CEP63: variants seen among roughly 807,000 people sequenced by gnomAD.
CEP63 encodes centrosomal protein of 63 kDa.
A neutral mutation model predicts 89.1 loss-of-function variants in CEP63; 84 were observed. That is an observed-to-expected ratio of 0.94 (90% CI 0.79 to 1.13). The LOEUF (loss-of-function observed/expected upper bound fraction) is 1.13. Ranked by LOEUF, CEP63 falls within the 50% of genes most tolerant of loss-of-function variation. The probability of loss-of-function intolerance (pLI) is 0.00; values close to 1 mark genes in which losing one functional copy is unlikely to be tolerated. For synonymous variants in CEP63, 267 were observed against 272.5 expected (o/e 0.98, Z 0.20); for missense variants, 838 against 813.3 (o/e 1.03, Z -0.37).
At chr3:134,565,470 T>C (rs9845760), downstream of CEP63, among the ~76,000 whole-genome samples, 41,676 of 152,122 alleles carry the variant, frequency 0.27, 7,065 homozygotes, top group East Asian at 0.52. Flanking sequence ...AAGATAATTA[T>C]AAAATAAGCT....
the CEP63 span, chr3:134,607,853 G>T: frequency 1.0e-6 from 1 of 988,272 alleles, no homozygotes; most frequent in Non-Finnish European, 1.2e-6. Context: ...CCTCCAGAAG[G>T]GAGGGGTACT....
At chr3:134,741,040 G>T in the CEP63 span, among the ~76,000 whole-genome samples, 1 of 152,144 alleles carries the variant, frequency 6.6e-6, no homozygotes, top group Non-Finnish European at 1.5e-5. Context: ...AGGGGTGGGG[G>T]AGTGTAAGCT....
At chr3:134,778,711 A>C in the CEP63 span, among the ~76,000 whole-genome samples, 7 of 152,026 alleles carry the variant, frequency 4.6e-5, no homozygotes, top group South Asian at 1.5e-3. Context: ...GGTGCCCACC[A>C]CCATGCCCGG....
chr3:134,594,095 C>A, the CEP63 span, among the ~76,000 whole-genome samples: 4 of 152,236 alleles, frequency 2.6e-5, no homozygotes, highest in African/African-American at 7.2e-5. Context: ...TGTTCACATA[C>A]ATTCAAATAC....
chr3:134,710,286 G>C, the CEP63 span, among the ~76,000 whole-genome samples: 1 of 152,166 alleles, frequency 6.6e-6, no homozygotes, highest in African/African-American at 2.4e-5. Flanking sequence ...GAAAAAGGCT[G>C]GCTGGCCTCT....
chr3:134,586,286 A>G (rs1055702922), intron 10 of CEP63, among the ~76,000 whole-genome samples: 4 of 152,158 alleles, frequency 2.6e-5, no homozygotes, highest in African/African-American at 9.7e-5. Context: ...TCTTTATAGC[A>G]TCGATGGTCT....
intron 1 of CEP63, among the ~76,000 whole-genome samples, chr3:134,487,170 A>G (rs1176007772): frequency 6.6e-6 from 1 of 152,200 alleles, no homozygotes; most frequent in Non-Finnish European, 1.5e-5. Context: ...TATTTTTTAG[A>G]TACGAGGAAA....
intron 11 of CEP63, among the ~76,000 whole-genome samples, chr3:134,571,531 A>G (rs1398537829): frequency 6.6e-6 from 1 of 152,178 alleles, no homozygotes. Context: ...AATACAAAAA[A>G]TTAGCTGGGC....
chr3:134,697,377 C>T, the CEP63 span, among the ~76,000 whole-genome samples: 3 of 152,248 alleles, frequency 2.0e-5, no homozygotes, highest in South Asian at 4.1e-4. Flanking sequence ...GCAAGACATA[C>T]ACACACTGCC....
the CEP63 span, among the ~76,000 whole-genome samples, chr3:134,768,168 G>C: frequency 6.6e-6 from 1 of 152,090 alleles, no homozygotes; most frequent in East Asian, 1.9e-4. Context: ...CATCAAATGG[G>C]GAGCCACAAA....
intron 6 of CEP63, among the ~76,000 whole-genome samples, chr3:134,542,390 G>T (rs142232338): frequency 6.6e-6 from 1 of 152,142 alleles, no homozygotes; most frequent in Non-Finnish European, 1.5e-5. Flanking sequence ...AAAGTTCGTA[G>T]TAGCATAGAC....
chr3:134,692,363 G>GT, the CEP63 span, among the ~76,000 whole-genome samples: 287 of 145,218 alleles, frequency 2.0e-3, 1 homozygote, highest in African/African-American at 4.5e-3. Context: ...TGCGGTGTTT[G>GT]TTTTTTTTTT....
the CEP63 span, among the ~76,000 whole-genome samples, chr3:134,624,782 G>C: frequency 1.3e-5 from 2 of 152,220 alleles, no homozygotes; most frequent in Non-Finnish European, 2.9e-5. Flanking sequence ...TGGCCAGAGG[G>C]GCTTGCCAAT....
At chr3:134,590,553 T>G (rs1958579103), downstream of CEP63, among the ~76,000 whole-genome samples, 1 of 152,174 alleles carries the variant, frequency 6.6e-6, no homozygotes, top group Non-Finnish European at 1.5e-5. Context: ...ATTTGCTCAC[T>G]CTAGAGTGGA....
chr3:134,613,091 T>C, the CEP63 span: 2 of 154,360 alleles, frequency 1.3e-5, no homozygotes, highest in African/African-American at 4.8e-5. Flanking sequence ...CTGGGAACAA[T>C]GGGGCTTGGA....
the CEP63 span, chr3:134,651,173 C>T: frequency 2.1e-6 from 3 of 1,406,486 alleles, no homozygotes; most frequent in East Asian, 8.3e-5. Context: ...CCTAATGAAG[C>T]GGCTCTAAGT....
chr3:134,739,622 G>A, the CEP63 span, among the ~76,000 whole-genome samples: 12 of 151,630 alleles, frequency 7.9e-5, no homozygotes, highest in East Asian at 5.8e-4. Flanking sequence ...ATAATGTTGC[G>A]CAAAGACAGC....
chr3:134,756,108 C>T, the CEP63 span, among the ~76,000 whole-genome samples: 1 of 152,242 alleles, frequency 6.6e-6, no homozygotes. Flanking sequence ...GAGCAGGGCA[C>T]TCTCCATGTG....
chr3:134,752,178 C>T, the CEP63 span, among the ~76,000 whole-genome samples: 1 of 152,138 alleles, frequency 6.6e-6, no homozygotes, highest in African/African-American at 2.4e-5. Flanking sequence ...ATAAAAGAGA[C>T]CAAGAAAGAC....
Sources: gnomAD v4.1 joint callset for allele counts (sites outside exome capture counted in the v4.1 genomes callset) on GRCh38, gnomAD v4.1.1 for gene constraint, MANE v1.5 for transcripts, NCBI Gene and HGNC (gene_info 2026-07-23, HGNC 2026-07-21) for gene names.